PROSER1: variants seen among roughly 807,000 people sequenced by gnomAD.
PROSER1 encodes proline and serine rich 1.
In PROSER1, 36 loss-of-function variants were observed where a neutral mutation model predicts 71.8. That is an observed-to-expected ratio of 0.50 (90% CI 0.38 to 0.66). The LOEUF (loss-of-function observed/expected upper bound fraction) is 0.66, where lower values mean the gene tolerates loss of function less well. Among genes scored for constraint, PROSER1 ranks in the 30% least tolerant of loss-of-function variants. The probability of loss-of-function intolerance (pLI) is 0.00; values close to 1 mark genes in which losing one functional copy is unlikely to be tolerated. For missense variants in PROSER1, 1,107 were observed against 1,135.0 expected, an observed-to-expected ratio of 0.98 and a Z score of 0.35; for synonymous variants, 490 against 452.4, an observed-to-expected ratio of 1.08 and a Z score of -1.06.
At chr13:39,031,267 G>A (rs1870828807) in intron 3 of PROSER1, among the ~76,000 whole-genome samples, 1 of 152,228 alleles carries the variant, frequency 6.6e-6, no homozygotes, top group Admixed American at 6.5e-5. Context: ...GAAAGATGGT[G>A]ACGATGGATA....
At chr13:39,033,290 A>C (rs528857118) in intron 2 of PROSER1, among the ~76,000 whole-genome samples, 1 of 152,372 alleles carries the variant, frequency 6.6e-6, no homozygotes, top group South Asian at 2.1e-4. Flanking sequence ...AAACTGACAT[A>C]AAGACAACAA....
chr13:39,026,806 G>A (rs998322696), intron 5 of PROSER1, among the ~76,000 whole-genome samples: 1 of 152,110 alleles, frequency 6.6e-6, no homozygotes, highest in African/African-American at 2.4e-5. Flanking sequence ...CCCAGTGGAG[G>A]ACATCATAAA....
intron 9 of PROSER1, among the ~76,000 whole-genome samples, chr13:39,020,117 G>T (rs1870221584): frequency 6.8e-6 from 1 of 147,546 alleles, no homozygotes; most frequent in Admixed American, 6.7e-5. Flanking sequence ...TTAGTAATAA[G>T]CACCTAGAAA....
intron 9 of PROSER1, among the ~76,000 whole-genome samples, chr13:39,020,762 T>C (rs1040820486): frequency 6.6e-6 from 1 of 152,210 alleles, no homozygotes; most frequent in African/African-American, 2.4e-5. Flanking sequence ...TAAACTGGTA[T>C]AGGGTTTTTG....
chr13:39,035,707 T>G (rs2138140184), intron 1 of PROSER1, among the ~76,000 whole-genome samples: 1 of 152,310 alleles, frequency 6.6e-6, no homozygotes, highest in Non-Finnish European at 1.5e-5. Context: ...CAATCAGTAT[T>G]ATCTATCATA....
intron 10 of PROSER1, among the ~76,000 whole-genome samples, chr13:39,015,485 A>C (rs1484309424): frequency 6.6e-6 from 1 of 152,228 alleles, no homozygotes; most frequent in Non-Finnish European, 1.5e-5. Flanking sequence ...AAATATTTTC[A>C]TGGACTAACA....
chr13:39,013,619 C>G lies in PROSER1; in HGVS notation c.1633G>C (p.Val545Leu), dbSNP rs199971421. The G allele has an allele frequency of 1.9e-6, 3 of 1,614,078 alleles. No individual in the cohort carries two copies. The highest frequency in any genetic ancestry group is 1.1e-5 in the South Asian group (1 of 91,076). ...LALFPGLPSP[V>L]ANSTSTPLTL... ...AGGGGAGTGGAAGTTGAGTTAGCCA[C>G]GGGAGACGGCAGGCCTGGGAACAGG... Residue 545 changes from valine to leucine, a missense_variant, in exon 11 of 13, where the codon GTG (valine) becomes CTG (leucine). Val to Leu is a conservative substitution (Grantham distance 32). Coordinates refer to ENST00000352251, the MANE Select transcript of PROSER1 (RefSeq NM_025138.5).
At chr13:39,028,166 T>C (rs1016237744) in intron 5 of PROSER1, 61 bp downstream of exon 5, 8 of 871,390 alleles carry the variant, frequency 9.2e-6, no homozygotes, top group Admixed American at 8.0e-5. Flanking sequence ...AAGGTGCTTT[T>C]TCGTCTTCAA....
intron 1 of PROSER1, among the ~76,000 whole-genome samples, chr13:39,034,919 G>A (rs1410234334): frequency 6.6e-6 from 1 of 152,202 alleles, no homozygotes; most frequent in Non-Finnish European, 1.5e-5. Context: ...TGAGAGAGAA[G>A]TTGGTGGCTT....
chr13:39,023,302 G>C, intron 7 of PROSER1, 172 bp from the exon 8 acceptor site: 1 of 543,822 alleles, frequency 1.8e-6, no homozygotes, highest in South Asian at 2.7e-5. Flanking sequence ...AATAAATGTG[G>C]TTGCTATTAA....
At chr13:39,012,333 C>T (rs1174489060) in intron 11 of PROSER1, 100 bp from the exon 12 acceptor site, 1 of 1,301,146 alleles carries the variant, frequency 7.7e-7, no homozygotes, top group African/African-American at 1.5e-5. Context: ...AAAAACAAAA[C>T]AAAAACCTTA....
At chr13:39,032,922 A>ATTTTT (rs11405662) in intron 2 of PROSER1, among the ~76,000 whole-genome samples, 2 of 145,094 alleles carry the variant, frequency 1.4e-5, no homozygotes, top group African/African-American at 5.0e-5. Flanking sequence ...AAAACATTTA[A>ATTTTT]TTTTTTTTTT....
intron 1 of PROSER1, among the ~76,000 whole-genome samples, 174 bp downstream of exon 1, chr13:39,037,024 C>A (rs974578271): frequency 6.6e-6 from 1 of 152,180 alleles, no homozygotes; most frequent in South Asian, 2.1e-4. Flanking sequence ...AACTTAATTT[C>A]TATTTGTACT....
chr13:39,037,112 T>C, intron 1 of PROSER1, 86 bp downstream of exon 1: 2 of 1,040,874 alleles, frequency 1.9e-6, no homozygotes, highest in African/African-American at 3.1e-5. Context: ...ACCCTTATTC[T>C]GCACAATCTC....
intron 9 of PROSER1, among the ~76,000 whole-genome samples, chr13:39,019,691 C>A (rs1870199499): frequency 6.7e-6 from 1 of 150,306 alleles, no homozygotes. Flanking sequence ...GTTAAAAAAA[C>A]AAAATGGCAA....
At position 39,022,788 on chromosome 13, in the gene PROSER1, A is replaced by G. The variant is rs1479211082; in HGVS notation, c.643+264T>C. 1.7e-5 allele frequency: 7 copies of G among 405,806 alleles called. No individual in the cohort carries two copies. The East Asian group carries it at 2.7e-4, about 16-fold the overall frequency. The allele number at this position is 405,806 out of a possible 1,614,324, so 25.1% of individuals were successfully genotyped here. On this transcript the variant is annotated intron_variant, in intron 8 of 12. Coordinates refer to ENST00000352251, the MANE Select transcript of PROSER1 (RefSeq NM_025138.5). ...CAACTACCAAAAAAAGGAATTCAAG[A>G]TGATTTACCAAAGTGAAAACCCATA...
chr13:39,013,507 A>G lies in PROSER1; in HGVS notation c.1745T>C (p.Leu582Ser). The G allele has an allele frequency of 6.2e-7, 1 of 1,614,062 alleles. No homozygotes were observed. The highest frequency in any genetic ancestry group is 8.5e-7 in the Non-Finnish European group (1 of 1,180,008). ...TGAGGTACCTGGGTGGGGGCCACGCAAAAGGGAGGCTGAGGAGCCACAGCT... is the reference window on the plus strand; with the variant it reads ...TGAGGTACCTGGGTGGGGGCCACGCGAAAGGGAGGCTGAGGAGCCACAGCT... ...PVSCGSSASL[L>S]RGPHPGTSDL... The change falls in exon 11 of 13, where the codon TTG (leucine) becomes TCG (serine). Residue 582 changes from leucine (L) to serine (S), a missense_variant. By Grantham distance (145) the Leu-to-Ser change is moderately radical. Transcript: ENST00000352251.
chr13:39,012,375 A>G (rs1323926468), intron 11 of PROSER1, 142 bp from the exon 12 acceptor site: 9 of 893,630 alleles, frequency 1.0e-5, no homozygotes, highest in African/African-American at 1.7e-5. Context: ...GGACCATAAA[A>G]ATCAGCCATT....
chr13:39,016,499 A>G (rs1475839397), intron 10 of PROSER1, among the ~76,000 whole-genome samples: 1 of 152,248 alleles, frequency 6.6e-6, no homozygotes, highest in Non-Finnish European at 1.5e-5. Context: ...GAAAAAATAA[A>G]ATCTTAATCA....
Sources: allele counts gnomAD v4.1 joint callset (sites outside exome capture counted in the v4.1 genomes callset), GRCh38; gene constraint gnomAD v4.1.1; transcripts MANE v1.5; gene names NCBI Gene and HGNC (gene_info 2026-07-23, HGNC 2026-07-21).